The following SLIT3 variants were observed in gnomAD, a reference collection of about 807,000 sequenced individuals.
SLIT3 encodes the protein slit guidance ligand 3, also known as slit homolog 3 protein.
A neutral mutation model predicts 184.0 loss-of-function variants in SLIT3; 68 were observed. That is an observed-to-expected ratio of 0.37 (90% CI 0.30 to 0.45). SLIT3 has a LOEUF of 0.45. Among genes scored for constraint, SLIT3 ranks in the 20% least tolerant of loss-of-function variants. The pLI is 1.00. For synonymous variants in SLIT3, 831 were observed against 828.6 expected (o/e 1.00, Z -0.05); for missense variants, 1,707 against 2,026.0 (o/e 0.84, Z 3.02).
chr5:168,938,161 A>G (rs1480997096), intron 4 of SLIT3, among the ~76,000 whole-genome samples: 1 of 152,270 alleles, frequency 6.6e-6, no homozygotes, highest in Non-Finnish European at 1.5e-5. Context: ...CTTCTGATAC[A>G]TACATTTGCT....
At chr5:169,036,628 T>A (rs546213146) in intron 4 of SLIT3, among the ~76,000 whole-genome samples, 1 of 152,058 alleles carries the variant, frequency 6.6e-6, no homozygotes, top group South Asian at 2.1e-4. Context: ...GCTGTGTAAC[T>A]CTATCCTCAG....
chr5:169,163,757 T>C (rs1247750576), intron 4 of SLIT3, among the ~76,000 whole-genome samples: 3 of 149,994 alleles, frequency 2.0e-5, no homozygotes, highest in Non-Finnish European at 4.5e-5. Context: ...CTAAGGAAGT[T>C]CAGGAACTAT....
intron 4 of SLIT3, among the ~76,000 whole-genome samples, chr5:169,126,942 C>T (rs953860127): frequency 6.6e-5 from 6 of 91,206 alleles, no homozygotes; most frequent in African/African-American, 2.1e-4. Context: ...CAGGACTTCA[C>T]GATCCACATA....
intron 4 of SLIT3, among the ~76,000 whole-genome samples, chr5:168,938,937 G>C (rs764902298): frequency 1.3e-5 from 2 of 152,026 alleles, no homozygotes; most frequent in African/African-American, 2.4e-5. Context: ...CCTATACAAT[G>C]ATTATATAGA....
intron 4 of SLIT3, among the ~76,000 whole-genome samples, chr5:168,940,261 C>T (rs952495270): frequency 2.6e-5 from 4 of 152,118 alleles, no homozygotes; most frequent in South Asian, 2.1e-4. Context: ...TATACTGAAA[C>T]GATGAATTGT....
At chr5:169,057,133 A>T (rs1758031365) in intron 4 of SLIT3, among the ~76,000 whole-genome samples, 1 of 152,202 alleles carries the variant, frequency 6.6e-6, no homozygotes, top group Non-Finnish European at 1.5e-5. Context: ...TGATATTCCA[A>T]GAAAGGAATG....
At chr5:169,164,872 G>A (rs537991935) in intron 4 of SLIT3, among the ~76,000 whole-genome samples, 3 of 152,248 alleles carry the variant, frequency 2.0e-5, no homozygotes, top group Non-Finnish European at 4.4e-5. Context: ...TCGGGACAAA[G>A]ATGGGGGCAG....
At chr5:168,768,199 C>T (rs763530945) in intron 14 of SLIT3, 6 of 526,412 alleles carry the variant, frequency 1.1e-5, no homozygotes, top group Non-Finnish European at 3.9e-6. Flanking sequence ...GTTCCGTTTC[C>T]ATCGTTCCAC....
At chr5:169,266,538 A>AG (rs1423957467) in intron 1 of SLIT3, among the ~76,000 whole-genome samples, 3 of 152,136 alleles carry the variant, frequency 2.0e-5, no homozygotes, top group African/African-American at 7.2e-5. Flanking sequence ...TCATAAATGG[A>AG]GGGGTCCCCC....
intron 32 of SLIT3, among the ~76,000 whole-genome samples, chr5:168,676,244 C>T (rs1480237387): frequency 6.6e-6 from 1 of 152,160 alleles, no homozygotes; most frequent in African/African-American, 2.4e-5. Flanking sequence ...TATGGGCCAC[C>T]TCGTCCTGGG....
intron 20 of SLIT3, among the ~76,000 whole-genome samples, chr5:168,729,466 A>G (rs1490130087): frequency 1.6e-4 from 25 of 152,136 alleles, no homozygotes; most frequent in Admixed American, 1.6e-3. Context: ...CTTACAGGTT[A>G]GAAGAGAAAT....
intron 4 of SLIT3, among the ~76,000 whole-genome samples, chr5:169,122,269 T>G (rs1425365410): frequency 6.6e-6 from 1 of 152,260 alleles, no homozygotes; most frequent in Non-Finnish European, 1.5e-5. Flanking sequence ...GACCACACTC[T>G]CGAGAGGAGA....
At position 169,005,401 on chromosome 5, in the gene SLIT3, G is replaced by A. The variant is rs539383955; in HGVS notation, c.414-122065C>T. On this transcript the variant is annotated intron_variant, in intron 4 of 35. Transcript: ENST00000519560. ...ATGGAGTGGCTACAAACACTTGAGA[G>A]ATGATGCATGTAACATGTATAGGAG... is the stretch of plus-strand genomic sequence containing the variant. 1.9e-4 allele frequency among the ~76,000 whole-genome samples: 29 copies of A among 152,302 alleles called. No homozygotes were observed. In the South Asian group the frequency reaches 3.1e-3, roughly 16 times the overall value.
chr5:169,066,634 T>C (rs753940350), intron 4 of SLIT3, among the ~76,000 whole-genome samples: 3 of 152,234 alleles, frequency 2.0e-5, no homozygotes, highest in Non-Finnish European at 4.4e-5. Flanking sequence ...AATTTGGTAC[T>C]ATATAGCAAA....
At chr5:168,719,334 G>A (rs1278577195) in intron 23 of SLIT3, among the ~76,000 whole-genome samples, 5 of 152,206 alleles carry the variant, frequency 3.3e-5, no homozygotes, top group Non-Finnish European at 5.9e-5. Flanking sequence ...TTACAGGCGT[G>A]AGCCACCATG....
At chr5:168,979,621 T>C (rs1165708370) in intron 4 of SLIT3, among the ~76,000 whole-genome samples, 1 of 152,174 alleles carries the variant, frequency 6.6e-6, no homozygotes, top group Non-Finnish European at 1.5e-5. Flanking sequence ...TGAACCACTC[T>C]CCACAGCCTG....
intron 12 of SLIT3, among the ~76,000 whole-genome samples, chr5:168,778,609 T>A (rs1755848920): frequency 6.6e-6 from 1 of 152,332 alleles, no homozygotes; most frequent in East Asian, 1.9e-4. Context: ...GTGGCTTGCA[T>A]CTGTACGAGG....
At chr5:168,910,176 G>C (rs1761207648) in intron 4 of SLIT3, among the ~76,000 whole-genome samples, 1 of 152,186 alleles carries the variant, frequency 6.6e-6, no homozygotes, top group African/African-American at 2.4e-5. Flanking sequence ...GGCTGATTCA[G>C]GCTAGCTATG....
chr5:168,859,736 T>C (rs1188462117), intron 5 of SLIT3, among the ~76,000 whole-genome samples: 1 of 152,232 alleles, frequency 6.6e-6, no homozygotes, highest in Non-Finnish European at 1.5e-5. Flanking sequence ...TGCTATTTTA[T>C]GTATCCCACA....
Sources: gnomAD v4.1 joint callset for allele counts (sites outside exome capture counted in the v4.1 genomes callset) on GRCh38, gnomAD v4.1.1 for gene constraint, MANE v1.5 for transcripts, NCBI Gene and HGNC (gene_info 2026-07-23, HGNC 2026-07-21) for gene names.